SAMD5: variants seen among roughly 807,000 people sequenced by gnomAD.
SAMD5 encodes sterile alpha motif domain containing 5.
SAMD5 carries 13 observed loss-of-function variants against 11.3 expected under a neutral mutation model. The observed-to-expected ratio is 1.15, with a 90% confidence interval of 0.75 to 1.83. SAMD5 has a LOEUF of 1.83. Ranked by LOEUF, SAMD5 falls within the 40% of genes most tolerant of loss-of-function variation. The pLI is 0.00. For synonymous variants in SAMD5, 129 were observed against 111.3 expected (o/e 1.16, Z -1.00); for missense variants, 255 against 239.1 (o/e 1.07, Z -0.44).
At chr6:147,695,839 T>C (rs924268195) in intron 1 of SAMD5, among the ~76,000 whole-genome samples, 10 of 152,250 alleles carry the variant, frequency 6.6e-5, no homozygotes, top group Non-Finnish European at 1.5e-4. Flanking sequence ...TATATGCTTC[T>C]TATAATTCTC....
chr6:147,609,586 G>C (rs1410409857), intron 1 of SAMD5, among the ~76,000 whole-genome samples: 1 of 152,138 alleles, frequency 6.6e-6, no homozygotes, highest in Non-Finnish European at 1.5e-5. Context: ...ATCTCACCCT[G>C]TCGCACAGGC....
the SAMD5 span, among the ~76,000 whole-genome samples, chr6:147,908,776 T>C: frequency 1.3e-5 from 2 of 152,194 alleles, no homozygotes; most frequent in Non-Finnish European, 2.9e-5. Flanking sequence ...TGGGATTTGC[T>C]TACCCAATTC....
At chr6:147,712,978 A>T (rs1381378500) in intron 1 of SAMD5, among the ~76,000 whole-genome samples, 2 of 152,114 alleles carry the variant, frequency 1.3e-5, no homozygotes, top group Non-Finnish European at 2.9e-5. Flanking sequence ...AATGCAAAGC[A>T]TTTTTTTCTC....
At chr6:147,588,884 C>T (rs574926575) in intron 1 of SAMD5, among the ~76,000 whole-genome samples, 3 of 152,108 alleles carry the variant, frequency 2.0e-5, no homozygotes, top group South Asian at 2.1e-4. Context: ...TCGTGAAATA[C>T]GGTTATGATT....
the SAMD5 span, among the ~76,000 whole-genome samples, chr6:147,759,251 C>T: frequency 5.3e-5 from 8 of 152,148 alleles, no homozygotes; most frequent in Admixed American, 3.9e-4. Context: ...TCTTGGAAGG[C>T]AGAAGAAATC....
intron 1 of SAMD5, among the ~76,000 whole-genome samples, chr6:147,687,276 C>CTTTT (rs59851113): frequency 3.4e-4 from 36 of 105,010 alleles, no homozygotes; most frequent in South Asian, 7.9e-4. Flanking sequence ...TCTCCTCCTT[C>CTTTT]TTTTTTTTTT....
At chr6:147,705,037 CT>C (rs1223985642) in intron 1 of SAMD5, among the ~76,000 whole-genome samples, 2 of 152,188 alleles carry the variant, frequency 1.3e-5, no homozygotes, top group East Asian at 3.9e-4. Flanking sequence ...GATTGGAACA[CT>C]TGTGCATAAA....
At chr6:147,743,730 A>G in the SAMD5 span, among the ~76,000 whole-genome samples, 2 of 152,188 alleles carry the variant, frequency 1.3e-5, no homozygotes, top group Admixed American at 1.3e-4. Context: ...TAATTAATCC[A>G]GTTAACCCAT....
intron 1 of SAMD5, among the ~76,000 whole-genome samples, chr6:147,603,796 A>C (rs1481874972): frequency 2.0e-4 from 30 of 150,860 alleles, no homozygotes; most frequent in Admixed American, 2.0e-3. Context: ...AACAAAAAAA[A>C]ACAACAACAA....
chr6:147,518,523 C>G (rs1347575963), intron 1 of SAMD5, among the ~76,000 whole-genome samples: 1 of 152,154 alleles, frequency 6.6e-6, no homozygotes, highest in African/African-American at 2.4e-5. Context: ...GTTCTGAAAC[C>G]AATTTTCCTG....
the SAMD5 span, among the ~76,000 whole-genome samples, chr6:147,882,407 G>T: frequency 6.6e-6 from 1 of 152,146 alleles, no homozygotes; most frequent in Non-Finnish European, 1.5e-5. Flanking sequence ...CATAGTACAT[G>T]CTCTGAGTCT....
chr6:147,728,341 C>T (rs1269764638), intron 1 of SAMD5, among the ~76,000 whole-genome samples: 2 of 152,160 alleles, frequency 1.3e-5, no homozygotes, highest in Admixed American at 6.5e-5. Flanking sequence ...TTGCTTGAGC[C>T]TAGTAGGTGG....
At chr6:147,782,236 G>A in the SAMD5 span, among the ~76,000 whole-genome samples, 198 of 152,114 alleles carry the variant, frequency 1.3e-3, no homozygotes, top group African/African-American at 4.6e-3. Context: ...GGTTGAAAAA[G>A]GTTCATTTAA....
chr6:147,820,609 AGGAGAC>A, the SAMD5 span, among the ~76,000 whole-genome samples: 443 of 152,348 alleles, frequency 2.9e-3, no homozygotes, highest in African/African-American at 0.01. Context: ...GTTACACCGT[AGGAGAC>A]CATAGTAGTC....
At chr6:147,827,812 C>T in the SAMD5 span, among the ~76,000 whole-genome samples, 4 of 150,968 alleles carry the variant, frequency 2.6e-5, no homozygotes, top group South Asian at 2.1e-4. Flanking sequence ...TTTTTTGAGA[C>T]GGAGTCTCGC....
At chr6:147,641,160 T>C in intron 1 of SAMD5, among the ~76,000 whole-genome samples, 1 of 152,194 alleles carries the variant, frequency 6.6e-6, no homozygotes, top group East Asian at 1.9e-4. Flanking sequence ...CTCTAAATTC[T>C]TCTTCATATG....
At chr6:147,574,333 C>A, downstream of SAMD5, among the ~76,000 whole-genome samples, 1 of 152,008 alleles carries the variant, frequency 6.6e-6, no homozygotes, top group Non-Finnish European at 1.5e-5. Context: ...CATAATTTAC[C>A]CAATGTAACA....
the SAMD5 span, among the ~76,000 whole-genome samples, chr6:147,929,773 T>C: frequency 1.3e-5 from 2 of 152,114 alleles, no homozygotes; most frequent in African/African-American, 4.8e-5. Flanking sequence ...CTTGGTAACA[T>C]TGGGGGGGAA....
chr6:147,614,417 T>C (rs9403865), intron 1 of SAMD5, among the ~76,000 whole-genome samples: 66,950 of 150,612 alleles, frequency 0.44, 15,451 homozygotes, highest in African/African-American at 0.53. Context: ...TGCAGTGAGC[T>C]GAGATTGTGC....
Sources: gnomAD v4.1 joint callset for allele counts (sites outside exome capture counted in the v4.1 genomes callset) on GRCh38, gnomAD v4.1.1 for gene constraint, MANE v1.5 for transcripts, NCBI Gene and HGNC (gene_info 2026-07-23, HGNC 2026-07-21) for gene names.